The following RANBP2 variants were observed in gnomAD, a reference collection of about 807,000 sequenced individuals.
RANBP2 encodes the protein RAN binding protein 2, also known as E3 SUMO-protein ligase RanBP2.
A neutral mutation model predicts 303.6 loss-of-function variants in RANBP2; 57 were observed. The ratio of observed to expected loss-of-function variants is 0.19; its 90% CI spans 0.15 to 0.23. The LOEUF (loss-of-function observed/expected upper bound fraction) is 0.23, where lower values mean the gene tolerates loss of function less well. Ranked by LOEUF, RANBP2 falls within the 10% of genes least tolerant of loss-of-function variation. The probability of loss-of-function intolerance (pLI) is 1.00; values close to 1 mark genes in which losing one functional copy is unlikely to be tolerated. For synonymous variants in RANBP2, 1,167 were observed against 1,301.5 expected (o/e 0.90, Z 2.23); for missense variants, 3,138 against 3,780.8 (o/e 0.83, Z 4.46).
the RANBP2 span, among the ~76,000 whole-genome samples, chr2:109,625,087 CAAAAAAAAAAAAA>C: frequency 5.0e-5 from 3 of 60,094 alleles, no homozygotes; most frequent in African/African-American, 9.8e-5. Context: ...ACAACAACAA[CAAAAAAAAAAAAA>C]AAAAAAAGAA....
At chr2:109,342,778 C>T in the RANBP2 span, among the ~76,000 whole-genome samples, 1 of 152,168 alleles carries the variant, frequency 6.6e-6, no homozygotes, top group Non-Finnish European at 1.5e-5. Flanking sequence ...CCCACGTGAG[C>T]GCCATCTCCA....
chr2:109,473,481 G>T, the RANBP2 span, among the ~76,000 whole-genome samples: 1 of 152,186 alleles, frequency 6.6e-6, no homozygotes, highest in Non-Finnish European at 1.5e-5. Flanking sequence ...TAAAATAGCA[G>T]ATATAGGTGA....
chr2:109,550,901 T>C, the RANBP2 span, among the ~76,000 whole-genome samples: 1 of 152,180 alleles, frequency 6.6e-6, no homozygotes, highest in Non-Finnish European at 1.5e-5. Flanking sequence ...TTTTTGGAAA[T>C]ACAAGGGGCA....
chr2:109,076,893 T>C, the RANBP2 span, among the ~76,000 whole-genome samples: 1 of 150,446 alleles, frequency 6.6e-6, no homozygotes, highest in East Asian at 1.9e-4. Flanking sequence ...GGAAAACAAT[T>C]CTGAAATTTA....
chr2:109,129,333 TCCCCGCCACGCAGGCCGGTC>T, the RANBP2 span: 2 of 1,306 alleles, frequency 1.5e-3, no homozygotes, highest in Non-Finnish European at 0.04. Flanking sequence ...GGCTGGCCGG[TCCCCGCCACGCAGGCCGGTC>T]CCCGCCACGC....
At chr2:109,002,519 C>A in the RANBP2 span, among the ~76,000 whole-genome samples, 1 of 152,146 alleles carries the variant, frequency 6.6e-6, no homozygotes, top group African/African-American at 2.4e-5. Flanking sequence ...TCCCCACTGC[C>A]CTTGGAATAA....
chr2:109,287,668 C>T, the RANBP2 span, among the ~76,000 whole-genome samples: 1 of 152,194 alleles, frequency 6.6e-6, no homozygotes, highest in African/African-American at 2.4e-5. Flanking sequence ...TGTTCCCCTT[C>T]TGGGCCCTCC....
chr2:109,017,316 C>A, the RANBP2 span, among the ~76,000 whole-genome samples: 2 of 152,232 alleles, frequency 1.3e-5, no homozygotes, highest in Admixed American at 6.5e-5. Context: ...ATGATTGAAA[C>A]TCTTTGATAC....
the RANBP2 span, among the ~76,000 whole-genome samples, chr2:109,729,424 A>G: frequency 3.3e-4 from 51 of 152,326 alleles, no homozygotes; most frequent in Non-Finnish European, 6.3e-4. Flanking sequence ...AGGCGGGCAG[A>G]TAACTTGAGG....
At chr2:109,418,206 A>C in the RANBP2 span, among the ~76,000 whole-genome samples, 1 of 152,054 alleles carries the variant, frequency 6.6e-6, no homozygotes, top group African/African-American at 2.4e-5. Flanking sequence ...CGTCAGGCCT[A>C]CACGGGATCC....
At chr2:108,880,224 C>CAA in the RANBP2 span, among the ~76,000 whole-genome samples, 10,884 of 50,146 alleles carry the variant, frequency 0.22, 513 homozygotes, top group East Asian at 0.43. Context: ...CAAAAACAAA[C>CAA]AAAAAAAAAA....
the RANBP2 span, chr2:109,615,047 G>C: frequency 6.5e-7 from 1 of 1,548,734 alleles, no homozygotes; most frequent in South Asian, 1.2e-5. Flanking sequence ...GCGAGGAGGC[G>C]GACAGGGGCA....
At chr2:108,959,188 G>A in the RANBP2 span, among the ~76,000 whole-genome samples, 1 of 152,242 alleles carries the variant, frequency 6.6e-6, no homozygotes, top group Admixed American at 6.5e-5. Flanking sequence ...GTGGCCCGAG[G>A]AAAGCCAAGG....
the RANBP2 span, among the ~76,000 whole-genome samples, chr2:109,121,757 A>G: frequency 6.6e-6 from 1 of 151,772 alleles, no homozygotes; most frequent in African/African-American, 2.4e-5. Flanking sequence ...CAGGAAAATG[A>G]CTCCCAGATG....
At chr2:109,140,773 C>A in the RANBP2 span, among the ~76,000 whole-genome samples, 1 of 152,170 alleles carries the variant, frequency 6.6e-6, no homozygotes, top group Non-Finnish European at 1.5e-5. Context: ...CCAGTCTATG[C>A]AATATGATTG....
At chr2:109,352,939 A>C in the RANBP2 span, among the ~76,000 whole-genome samples, 3 of 152,238 alleles carry the variant, frequency 2.0e-5, no homozygotes, top group Admixed American at 6.5e-5. Context: ...CTTTGCCAGA[A>C]ATTTTCAGAA....
intron 9 of RANBP2, among the ~76,000 whole-genome samples, chr2:108,750,556 C>CCTTTTCTTTT (rs70956276): frequency 0.12 from 16,027 of 135,232 alleles, 1,391 homozygotes; most frequent in South Asian, 0.2. Context: ...AAGCACATAA[C>CCTTTTCTTTT]CTTTTCTTTT....
At chr2:109,496,334 C>T in the RANBP2 span, among the ~76,000 whole-genome samples, 1 of 152,080 alleles carries the variant, frequency 6.6e-6, no homozygotes, top group Admixed American at 6.6e-5. Flanking sequence ...TTTTACAATC[C>T]TCTTGCTAGC....
At chr2:108,842,734 A>G in the RANBP2 span, among the ~76,000 whole-genome samples, 3 of 152,176 alleles carry the variant, frequency 2.0e-5, no homozygotes, top group African/African-American at 7.2e-5. Context: ...TGGGGATTTA[A>G]AACTGGAAAC....
Sources: allele counts gnomAD v4.1 joint callset (sites outside exome capture counted in the v4.1 genomes callset), GRCh38; gene constraint gnomAD v4.1.1; transcripts MANE v1.5; gene names NCBI Gene and HGNC (gene_info 2026-07-23, HGNC 2026-07-21).